TASP1: variants seen among roughly 807,000 people sequenced by gnomAD.
The protein encoded by TASP1 is taspase 1, also known as threonine aspartase 1.
A neutral mutation model predicts 56.6 loss-of-function variants in TASP1; 16 were observed. That is an observed-to-expected ratio of 0.28 (90% CI 0.19 to 0.43). The LOEUF (loss-of-function observed/expected upper bound fraction) is 0.43. TASP1 is among the 20% of genes least tolerant of loss of function. TASP1 has a pLI of 1.00. For synonymous variants in TASP1, 179 were observed against 184.2 expected (o/e 0.97, Z 0.23); for missense variants, 393 against 511.6 (o/e 0.77, Z 2.24).
At chr20:13,582,134 AAAAAG>A (rs1417907481) in intron 5 of TASP1, among the ~76,000 whole-genome samples, 1 of 151,698 alleles carries the variant, frequency 6.6e-6, no homozygotes, top group East Asian at 1.9e-4. Context: ...AAAAAAAAAA[AAAAAG>A]AAAAGCCCAA....
intron 10 of TASP1, among the ~76,000 whole-genome samples, chr20:13,510,161 G>C (rs1025534855): frequency 6.6e-6 from 1 of 151,696 alleles, no homozygotes; most frequent in African/African-American, 2.4e-5. Context: ...AAAAACAGTA[G>C]AATGAGGCTA....
At chr20:13,321,253 TAAA>T in the TASP1 span, among the ~76,000 whole-genome samples, 64 of 57,508 alleles carry the variant, frequency 1.1e-3, no homozygotes, top group African/African-American at 3.3e-3. Flanking sequence ...GTGCCCCACA[TAAA>T]AAAAAAAAAA....
At chr20:13,556,471 C>G (rs2046160618) in intron 8 of TASP1, among the ~76,000 whole-genome samples, 1 of 152,136 alleles carries the variant, frequency 6.6e-6, no homozygotes, top group Admixed American at 6.5e-5. Context: ...ACTTTAAACT[C>G]TTCAATGGCT....
chr20:13,203,462 G>A, the TASP1 span, among the ~76,000 whole-genome samples: 1 of 152,260 alleles, frequency 6.6e-6, no homozygotes, highest in East Asian at 1.9e-4. Context: ...TCAAACTTTA[G>A]GATCTTGTTC....
chr20:13,514,987 T>C (rs2044469198), intron 10 of TASP1, among the ~76,000 whole-genome samples: 1 of 152,144 alleles, frequency 6.6e-6, no homozygotes, highest in African/African-American at 2.4e-5. Context: ...ATAAATCTTT[T>C]TGCCCAAATT....
At chr20:13,141,400 A>T in the TASP1 span, among the ~76,000 whole-genome samples, 6 of 152,306 alleles carry the variant, frequency 3.9e-5, no homozygotes, top group Non-Finnish European at 7.3e-5. Flanking sequence ...ATGATAATTC[A>T]CACTTGGTTT....
chr20:13,399,454 C>T (rs1396841484), intron 13 of TASP1, among the ~76,000 whole-genome samples: 2 of 152,138 alleles, frequency 1.3e-5, no homozygotes, highest in Non-Finnish European at 2.9e-5. Context: ...CAAGTCTTTT[C>T]CCCCAACTTC....
At chr20:13,581,077 T>C (rs989319635) in intron 5 of TASP1, 96 bp from the exon 6 acceptor site, 2 of 1,093,674 alleles carry the variant, frequency 1.8e-6, no homozygotes, top group African/African-American at 3.2e-5. Context: ...ACAACTTGAA[T>C]ATATCTTGGA....
At chr20:13,338,112 G>A in the TASP1 span, among the ~76,000 whole-genome samples, 2 of 152,174 alleles carry the variant, frequency 1.3e-5, no homozygotes, top group African/African-American at 2.4e-5. Context: ...CCTTAGGGTT[G>A]CTGGTTGGCT....
At chr20:13,433,705 T>C (rs916132816) in intron 12 of TASP1, among the ~76,000 whole-genome samples, 1 of 151,878 alleles carries the variant, frequency 6.6e-6, no homozygotes, top group African/African-American at 2.4e-5. Flanking sequence ...TTTTATAAAC[T>C]ATGAAGGGAC....
the TASP1 span, among the ~76,000 whole-genome samples, chr20:13,297,216 A>T: frequency 6.6e-6 from 1 of 152,106 alleles, no homozygotes; most frequent in Admixed American, 6.5e-5. Flanking sequence ...CAGAATGCAG[A>T]AGGGCTGGGG....
intron 10 of TASP1, among the ~76,000 whole-genome samples, chr20:13,498,839 G>C (rs1349397677): frequency 6.8e-6 from 1 of 147,212 alleles, no homozygotes; most frequent in Non-Finnish European, 1.5e-5. Flanking sequence ...GTGGAGAAAA[G>C]AGAACACTTA....
the TASP1 span, among the ~76,000 whole-genome samples, chr20:13,267,991 A>C: frequency 6.6e-6 from 1 of 152,338 alleles, no homozygotes; most frequent in South Asian, 2.1e-4. Flanking sequence ...TTGTTGGAGA[A>C]GTTTTAGGGT....
chr20:13,158,351 A>C, the TASP1 span, among the ~76,000 whole-genome samples: 1 of 152,166 alleles, frequency 6.6e-6, no homozygotes, highest in Admixed American at 6.5e-5. Context: ...TTAAATTCAA[A>C]AATGCTCCAG....
At chr20:13,113,772 G>C in the TASP1 span, among the ~76,000 whole-genome samples, 2 of 152,174 alleles carry the variant, frequency 1.3e-5, no homozygotes, top group Non-Finnish European at 2.9e-5. Flanking sequence ...TGTCTTTATT[G>C]TCACATTGAT....
intron 11 of TASP1, among the ~76,000 whole-genome samples, chr20:13,477,751 G>T (rs2042994823): frequency 6.6e-6 from 1 of 152,124 alleles, no homozygotes; most frequent in Admixed American, 6.6e-5. Context: ...ATAATCAGCT[G>T]GTTAGCATGA....
intron 11 of TASP1, among the ~76,000 whole-genome samples, chr20:13,469,318 G>C (rs2044383635): frequency 6.6e-6 from 1 of 152,100 alleles, no homozygotes; most frequent in African/African-American, 2.4e-5. Context: ...AGCTCCAAAT[G>C]TACAAAATGT....
chr20:13,200,991 T>C, the TASP1 span, among the ~76,000 whole-genome samples: 1 of 152,230 alleles, frequency 6.6e-6, no homozygotes, highest in Non-Finnish European at 1.5e-5. Context: ...GTGGCTTCAC[T>C]AGGCTCATTT....
At chr20:13,122,394 G>A in the TASP1 span, among the ~76,000 whole-genome samples, 5 of 152,180 alleles carry the variant, frequency 3.3e-5, no homozygotes, top group East Asian at 1.9e-4. Context: ...GGAAAGTACC[G>A]CAGGGTAAGG....
Sources: gnomAD v4.1 joint callset for allele counts (sites outside exome capture counted in the v4.1 genomes callset) on GRCh38, gnomAD v4.1.1 for gene constraint, MANE v1.5 for transcripts, NCBI Gene and HGNC (gene_info 2026-07-23, HGNC 2026-07-21) for gene names.